Variants in RARB observed in about 807,000 individuals in gnomAD.
RARB encodes the protein retinoic acid receptor beta.
RARB carries 17 observed loss-of-function variants against 51.9 expected under a neutral mutation model. The ratio of observed to expected loss-of-function variants is 0.33; its 90% CI spans 0.22 to 0.49. The LOEUF is 0.49. Among genes scored for constraint, RARB ranks in the 20% least tolerant of loss-of-function variants. The probability of loss-of-function intolerance (pLI) is 0.99; values close to 1 mark genes in which losing one functional copy is unlikely to be tolerated. For synonymous variants in RARB, 215 were observed against 195.4 expected (o/e 1.10, Z -0.84); for missense variants, 369 against 550.8 (o/e 0.67, Z 3.30).
In RARB at chr3:25,586,885, A is replaced by G. The variant is rs1007286715; in HGVS notation, c.786+6163A>G. Among the ~76,000 whole-genome samples, 7 of 152,220 alleles carry G rather than the reference A, an allele frequency of 4.6e-5. 1 individual carries two copies. The highest frequency in any genetic ancestry group is 3.9e-4 in the East Asian group (2 of 5,188). ...AGCGTTGCGCCTGGGCGTCTGTGCC[A>G]TCACGAGGAGGCCCTGGGTCTCTCC... On this transcript the variant is annotated intron_variant, in intron 5 of 7. Transcript: ENST00000330688.
chr3:25,273,518 C>CA (rs1222417206), intron 5 of RARB, among the ~76,000 whole-genome samples: 1 of 152,164 alleles, frequency 6.6e-6, no homozygotes, highest in African/African-American at 2.4e-5. Context: ...GCCCATACTT[C>CA]AAGGTGCTGT....
At chr3:25,225,646 A>G (rs1293589663) in intron 5 of RARB, among the ~76,000 whole-genome samples, 3 of 152,202 alleles carry the variant, frequency 2.0e-5, no homozygotes, top group African/African-American at 7.2e-5. Flanking sequence ...TCATGAAAAA[A>G]ATGTTAAAAG....
At chr3:25,585,406 A>T (rs1203661499) in intron 5 of RARB, among the ~76,000 whole-genome samples, 1 of 152,240 alleles carries the variant, frequency 6.6e-6, no homozygotes, top group African/African-American at 2.4e-5. Flanking sequence ...TTGCTTTTGC[A>T]AAATAGAAAA....
chr3:24,952,338 C>T (rs1273620497), intron 2 of RARB, among the ~76,000 whole-genome samples: 4 of 151,726 alleles, frequency 2.6e-5, no homozygotes, highest in South Asian at 4.2e-4. Flanking sequence ...AAGGAATTTA[C>T]CCCCAACTTT....
At chr3:25,467,352 G>T (rs1695481912) in intron 2 of RARB, among the ~76,000 whole-genome samples, 1 of 152,212 alleles carries the variant, frequency 6.6e-6, no homozygotes, top group South Asian at 2.1e-4. Flanking sequence ...GACTTGGCTT[G>T]GGCCAGGTGG....
chr3:25,237,589 T>A (rs1469593983), intron 5 of RARB, among the ~76,000 whole-genome samples: 2 of 152,148 alleles, frequency 1.3e-5, no homozygotes, highest in African/African-American at 2.4e-5. Context: ...TTATTGAGAT[T>A]TAGTTATATA....
intron 5 of RARB, among the ~76,000 whole-genome samples, chr3:25,313,438 G>A (rs527452632): frequency 2.1e-4 from 32 of 152,174 alleles, no homozygotes; most frequent in Non-Finnish European, 4.3e-4. Context: ...CCTAATGTAG[G>A]AAGTAACTAG....
chr3:24,849,866 G>A (rs1189496579), intron 1 of RARB, among the ~76,000 whole-genome samples: 1 of 150,508 alleles, frequency 6.6e-6, no homozygotes, highest in African/African-American at 2.4e-5. Flanking sequence ...GGTGGTAGAT[G>A]AGCTAAGAAT....
intron 5 of RARB, among the ~76,000 whole-genome samples, chr3:25,385,197 A>C (rs1469638082): frequency 1.3e-5 from 2 of 152,188 alleles, no homozygotes; most frequent in African/African-American, 4.8e-5. Context: ...CACAAGATTC[A>C]GACTATTCCC....
At chr3:24,908,034 G>T (rs961566799) in intron 2 of RARB, among the ~76,000 whole-genome samples, 1 of 152,120 alleles carries the variant, frequency 6.6e-6, no homozygotes, top group African/African-American at 2.4e-5. Flanking sequence ...CAACATCCCA[G>T]AGACGCTCAG....
intron 5 of RARB, among the ~76,000 whole-genome samples, chr3:25,269,301 A>G (rs1335815934): frequency 6.6e-6 from 1 of 152,148 alleles, no homozygotes; most frequent in African/African-American, 2.4e-5. Flanking sequence ...ATAACCTATT[A>G]TTTATTATTC....
chr3:25,180,174 C>T (rs17015913), intron 5 of RARB, among the ~76,000 whole-genome samples: 3,350 of 152,198 alleles, frequency 0.022, 114 homozygotes, highest in African/African-American at 0.077. Context: ...CTTCAAGTTA[C>T]TTCTGCCAAT....
chr3:25,461,609 G>A (rs1365071293), intron 2 of RARB, among the ~76,000 whole-genome samples: 2 of 152,088 alleles, frequency 1.3e-5, no homozygotes, highest in Non-Finnish European at 2.9e-5. Context: ...ATAAGAACTG[G>A]CTAGGCCAGG....
chr3:25,333,910 A>G (rs1009862286), intron 5 of RARB, among the ~76,000 whole-genome samples: 1 of 152,236 alleles, frequency 6.6e-6, no homozygotes, highest in Admixed American at 6.5e-5. Flanking sequence ...TTATGCAGCC[A>G]ACAGACACAT....
intron 3 of RARB, among the ~76,000 whole-genome samples, chr3:25,130,707 A>G (rs566450507): frequency 2.5e-4 from 38 of 151,972 alleles, no homozygotes; most frequent in South Asian, 1.7e-3. Context: ...AGTTACTGGT[A>G]TGAATGTCTT....
At chr3:25,481,122 TG>T (rs1427647737) in intron 2 of RARB, among the ~76,000 whole-genome samples, 2 of 152,210 alleles carry the variant, frequency 1.3e-5, no homozygotes, top group African/African-American at 4.8e-5. Flanking sequence ...AGGTATTTTT[TG>T]GTTCTCCAGA....
In RARB at chr3:25,357,551, G is replaced by A. The variant is rs151222088; in HGVS notation, c.179-103642G>A. Among the ~76,000 whole-genome samples the A allele has an allele frequency of 6.3e-3, 966 of 152,156 alleles. 14 individuals are homozygous for A. The highest frequency in any genetic ancestry group is 0.018 in the African/African-American group (762 of 41,536). ...TTTGTCAATTTTGGCTTTTGTTGCC[G>A]TTGCTTTTGGTGTTTTAGTCATGAA... On this transcript the variant is annotated intron_variant, in intron 5 of 11. Transcript: ENST00000383772.
At chr3:24,928,579 A>G (rs904826987) in intron 2 of RARB, among the ~76,000 whole-genome samples, 3 of 151,876 alleles carry the variant, frequency 2.0e-5, no homozygotes, top group African/African-American at 7.3e-5. Context: ...CAACTTCTGA[A>G]AGTTCTTTTT....
At chr3:25,201,212 C>T (rs780018814) in intron 5 of RARB, among the ~76,000 whole-genome samples, 5 of 151,966 alleles carry the variant, frequency 3.3e-5, no homozygotes, top group Admixed American at 6.6e-5. Flanking sequence ...GGAGTTCACT[C>T]GTGATTTGGC....
Sources: gnomAD v4.1 joint callset for allele counts (sites outside exome capture counted in the v4.1 genomes callset) on GRCh38, gnomAD v4.1.1 for gene constraint, MANE v1.5 for transcripts, NCBI Gene and HGNC (gene_info 2026-07-23, HGNC 2026-07-21) for gene names.